UBP1: variants seen among roughly 807,000 people sequenced by gnomAD.
The protein encoded by UBP1 is upstream binding protein 1, also known as upstream-binding protein 1.
A neutral mutation model predicts 76.1 loss-of-function variants in UBP1; 22 were observed. That is an observed-to-expected ratio of 0.29 (90% CI 0.21 to 0.41). The LOEUF is 0.41. Ranked by LOEUF, UBP1 falls within the 10% of genes least tolerant of loss-of-function variation. The pLI is 1.00. For missense variants in UBP1, 436 were observed against 668.1 expected, an observed-to-expected ratio of 0.65 and a Z score of 3.83; for synonymous variants, 224 against 237.1, an observed-to-expected ratio of 0.94 and a Z score of 0.51.
intron 1 of UBP1, among the ~76,000 whole-genome samples, chr3:33,430,839 C>T (rs1312920285): frequency 6.6e-6 from 1 of 152,154 alleles, no homozygotes; most frequent in African/African-American, 2.4e-5. Flanking sequence ...CTCCTCCAAC[C>T]CTTCCAGCTC....
chr3:33,403,089 T>C, intron 8 of UBP1, 185 bp from the exon 9 acceptor site: 1 of 565,588 alleles, frequency 1.8e-6, no homozygotes, highest in South Asian at 1.9e-5. Flanking sequence ...TTACCTGCTG[T>C]GTGCGTCTAG....
In UBP1 at chr3:33,389,283, T is replaced by C. The variant is rs1358735351; in HGVS notation, c.*1048A>G. The C allele has an allele frequency of 6.6e-6, 1 of 152,614 alleles. No individual in the cohort carries two copies. Among genetic ancestry groups the C allele is most frequent in the African/African-American group, 2.4e-5 (1 of 41,446 alleles). 9.5% of individuals were successfully genotyped at this position (152,614 alleles called of 1,614,324 possible). On this transcript the variant is annotated 3_prime_UTR_variant, in exon 16 of 16. Transcript: ENST00000283629. ...TCAATATTTGAGAGGCTTAAGGGATTTGTATGGTACATTTTAGTGTTTGAT... is the reference window on the plus strand; with the variant it reads ...TCAATATTTGAGAGGCTTAAGGGATCTGTATGGTACATTTTAGTGTTTGAT...
At chr3:33,392,855 A>G (rs2043823979) in intron 14 of UBP1, 1 of 422,586 alleles carries the variant, frequency 2.4e-6, no homozygotes, top group Non-Finnish European at 4.2e-6. Context: ...CCACAGGGGC[A>G]CATTCCCTGC....
intron 7 of UBP1, 106 bp downstream of exon 7, chr3:33,409,130 C>G (rs2044506338): frequency 9.3e-7 from 1 of 1,081,080 alleles, no homozygotes; most frequent in Non-Finnish European, 1.4e-6. Flanking sequence ...ACATGTCAAA[C>G]TGCCACCCAA....
chr3:33,415,610 T>A (rs1295060448), intron 3 of UBP1, among the ~76,000 whole-genome samples: 1 of 152,166 alleles, frequency 6.6e-6, no homozygotes, highest in African/African-American at 2.4e-5. Flanking sequence ...AATTTTACCA[T>A]AATAAAAAGT....
chr3:33,426,466 CT>C (rs1266838317), intron 1 of UBP1, among the ~76,000 whole-genome samples: 1 of 152,108 alleles, frequency 6.6e-6, no homozygotes, highest in East Asian at 1.9e-4. Context: ...TAAAGTCACC[CT>C]TTTAAAGTCT....
chr3:33,410,379 C>G (rs542642055), intron 5 of UBP1, among the ~76,000 whole-genome samples: 1 of 152,002 alleles, frequency 6.6e-6, no homozygotes. Flanking sequence ...AAAGCCAGGT[C>G]TTGTATCACT....
chr3:33,412,993 G>A (rs112667209), intron 3 of UBP1, among the ~76,000 whole-genome samples, 166 bp from the exon 4 acceptor site: 3 of 152,072 alleles, frequency 2.0e-5, no homozygotes, highest in African/African-American at 7.2e-5. Context: ...CCTGGATTAC[G>A]GTACAATTAT....
chr3:33,419,628 CAAAA>C (rs34615713), intron 2 of UBP1, among the ~76,000 whole-genome samples: 6 of 100,838 alleles, frequency 6.0e-5, no homozygotes, highest in Admixed American at 9.5e-5. Context: ...GACTCCATCT[CAAAA>C]AAAAAAAAAA....
chr3:33,439,117 G>A lies in UBP1; in HGVS notation c.113+619C>T, dbSNP rs575579519. On this transcript the variant is annotated intron_variant, in intron 1 of 15. Coordinates refer to ENST00000283629, the MANE Select transcript of UBP1 (RefSeq NM_014517.5). The stretch of plus-strand genomic sequence containing the variant: ...GACAGCAGAGACTAAACAATTATTT[G>A]TGGTGCAATCACTGCATCTTAAAAC... 1.3e-5 allele frequency among the ~76,000 whole-genome samples: 2 copies of A among 152,314 alleles called. 1 individual carries two copies. Among genetic ancestry groups the A allele is most frequent in the South Asian group, 4.1e-4 (2 of 4,832 alleles).
chr3:33,428,349 G>A (rs35270161), intron 1 of UBP1, among the ~76,000 whole-genome samples: 1 of 152,102 alleles, frequency 6.6e-6, no homozygotes, highest in African/African-American at 2.4e-5. Context: ...TTGTGACTCA[G>A]AACCATTAAT....
At chr3:33,438,410 AGAG>A (rs2045235042) in intron 1 of UBP1, among the ~76,000 whole-genome samples, 1 of 152,246 alleles carries the variant, frequency 6.6e-6, no homozygotes, top group African/African-American at 2.4e-5. Flanking sequence ...GAATGGCACT[AGAG>A]GAGTGCGTTT....
At chr3:33,419,306 C>T (rs2154058491) in intron 2 of UBP1, among the ~76,000 whole-genome samples, 1 of 152,136 alleles carries the variant, frequency 6.6e-6, no homozygotes, top group East Asian at 1.9e-4. Context: ...ACCAGCCTGA[C>T]CAACATGGTG....
chr3:33,392,766 C>T lies in UBP1; in HGVS notation c.1534-152G>A, dbSNP rs199905694. 82 of 671,594 alleles carry T rather than the reference C, an allele frequency of 1.2e-4. 1 individual carries two copies. In the East Asian group the frequency reaches 1.7e-3, roughly 14 times the overall value. 41.6% of individuals were successfully genotyped at this position (671,594 alleles called of 1,614,324 possible). ...AAGGCAGTGTGAGGCAGCAAAGATGCACACGTGCTGCACTGCCTTGTGTTC... is the reference window on the plus strand; with the variant it reads ...AAGGCAGTGTGAGGCAGCAAAGATGTACACGTGCTGCACTGCCTTGTGTTC... On this transcript the variant is annotated intron_variant, in intron 14 of 15. Coordinates refer to ENST00000283629, the MANE Select transcript of UBP1 (RefSeq NM_014517.5).
At chr3:33,392,497 C>T (rs941549272) in intron 15 of UBP1, 66 bp downstream of exon 15, 22 of 1,368,334 alleles carry the variant, frequency 1.6e-5, no homozygotes, top group African/African-American at 2.9e-5. Flanking sequence ...ACGAGAGGCA[C>T]TAATTAGAGG....
rs1244716650 is a variant in UBP1 at position 33,439,855 on chromosome 3, G to A, written c.-7C>T. 3 of 1,610,962 alleles carry A rather than the reference G, an allele frequency of 1.9e-6. No homozygotes were observed. The highest frequency in any genetic ancestry group is 1.7e-5 in the Admixed American group (1 of 59,830). On this transcript the variant is annotated 5_prime_UTR_variant, in exon 1 of 16. Coordinates refer to ENST00000283629, the MANE Select transcript of UBP1 (RefSeq NM_014517.5). Reference sequence around the variant, plus strand: ...TCTTGAGCACCCAGGCCATCTTCCGGCCTCGCCGTCGCCCCGCACACCGCG... The same window carrying A: ...TCTTGAGCACCCAGGCCATCTTCCGACCTCGCCGTCGCCCCGCACACCGCG...
Position 33,412,817 on chromosome 3 carries a change from C to T in UBP1, c.353G>A (p.Arg118Lys), listed in dbSNP as rs780396908. ...INGKLVKSII[R>K]VVFHDRRLQY... Reference sequence around the variant, plus strand: ...TAGCCGTCTGTCATGGAATACAACCCTTATGATGCTCTGTGGAATAAGTGC... The same window carrying T: ...TAGCCGTCTGTCATGGAATACAACCTTTATGATGCTCTGTGGAATAAGTGC... The change falls in exon 4 of 16, where the codon AGG (arginine) becomes AAG (lysine). Residue 118 changes from arginine (R) to lysine (K), a missense_variant. This residue lies in a region of UBP1 where 161 missense variants were observed against 237.9 expected (regional missense o/e 0.68). Coordinates refer to ENST00000283629, the MANE Select transcript of UBP1 (RefSeq NM_014517.5). The T allele has an allele frequency of 1.9e-6, 3 of 1,612,456 alleles. No homozygotes were observed. In the South Asian group the frequency reaches 3.3e-5, roughly 18 times the overall value.
At chr3:33,402,950 T>C (rs201214630) in intron 8 of UBP1, 46 bp from the exon 9 acceptor site, 7 of 1,483,010 alleles carry the variant, frequency 4.7e-6, no homozygotes, top group Admixed American at 3.9e-5. Flanking sequence ...TTTTAAAATA[T>C]GTGGAAGAAA....
chr3:33,423,045 GT>G (rs11337499), intron 2 of UBP1, among the ~76,000 whole-genome samples: 37,534 of 144,778 alleles, frequency 0.26, 5,389 homozygotes, highest in East Asian at 0.48. Flanking sequence ...AAAAAAGTTT[GT>G]TTTTTTTTTT....
Sources: gnomAD v4.1 joint callset for allele counts (sites outside exome capture counted in the v4.1 genomes callset) on GRCh38, gnomAD v4.1.1 for gene constraint, gnomAD v4.1.1 regional missense constraint, MANE v1.5 for transcripts, NCBI Gene and HGNC (gene_info 2026-07-23, HGNC 2026-07-21) for gene names.